SLC30A5: variants seen among roughly 807,000 people sequenced by gnomAD.
SLC30A5 encodes solute carrier family 30 member 5, also known as proton-coupled zinc antiporter SLC30A5.
Under a neutral mutation model 79.6 loss-of-function variants are expected in SLC30A5, and 33 were observed. The observed-to-expected ratio is 0.41, with a 90% confidence interval of 0.31 to 0.55. The LOEUF (loss-of-function observed/expected upper bound fraction) is 0.55. Ranked by LOEUF, SLC30A5 falls within the 20% of genes least tolerant of loss-of-function variation. The pLI is 0.20. For missense variants in SLC30A5, 788 were observed against 928.1 expected (o/e 0.85, Z 1.96); for synonymous variants, 299 against 319.7 (o/e 0.94, Z 0.69).
At chr5:69,123,469 C>A in intron 14 of SLC30A5, 44 bp downstream of exon 14, 1 of 1,485,006 alleles carries the variant, frequency 6.7e-7, no homozygotes, top group Non-Finnish European at 9.4e-7. Flanking sequence ...TTGAAAATCA[C>A]ATTTTTGAAG....
chr5:69,102,116 C>T (rs1465689802), intron 2 of SLC30A5, among the ~76,000 whole-genome samples: 2 of 133,370 alleles, frequency 1.5e-5, no homozygotes, highest in Non-Finnish European at 3.1e-5. Flanking sequence ...TGCAGTGGCT[C>T]AATCTCAACT....
In SLC30A5 at chr5:69,128,092, A is replaced by C. The variant is rs377328364; in HGVS notation, c.2087A>C (p.Gln696Pro). 29 of 1,612,528 alleles carry C rather than the reference A, an allele frequency of 1.8e-5. No individual in the cohort carries two copies. Among genetic ancestry groups the C allele is most frequent in the Middle Eastern group, 1.7e-4 (1 of 6,050 alleles). Reference protein sequence around the residue: ...ASIVAGTIHIQVTSDVLEQRI... With the variant: ...ASIVAGTIHIPVTSDVLEQRI... ...ATTGTGGCAGGAACAATTCATATAC[A>C]GGTGACATCTGATGTGCTAGAACAA... The change falls in exon 15 of 16, where the codon CAG becomes CCG. Residue 696 changes from glutamine (Q) to proline (P), a missense_variant. This residue lies in a region of SLC30A5 where 158 missense variants were observed against 156.2 expected (regional missense o/e 1.01). Transcript: ENST00000396591.
intron 5 of SLC30A5, among the ~76,000 whole-genome samples, chr5:69,109,208 T>C (rs1170852593): frequency 6.6e-6 from 1 of 152,156 alleles, no homozygotes; most frequent in African/African-American, 2.4e-5. Context: ...TTGAATTATT[T>C]GTAACACAAA....
chr5:69,114,207 A>G (rs961205855), intron 6 of SLC30A5, among the ~76,000 whole-genome samples: 1 of 152,222 alleles, frequency 6.6e-6, no homozygotes, highest in African/African-American at 2.4e-5. Context: ...AAATACAGGC[A>G]TTCCAGTTTA....
At chr5:69,128,248 C>CTT (rs1327849244) in intron 15 of SLC30A5, 116 bp downstream of exon 15, 25 of 463,210 alleles carry the variant, frequency 5.4e-5, no homozygotes, top group African/African-American at 1.3e-4. Context: ...AATCTTCCAA[C>CTT]TCTTTTTTTT....
Position 69,104,711 on chromosome 5 carries a change from A to G in SLC30A5, c.354A>G (p.Pro118=). The G allele has an allele frequency of 6.3e-7, 1 of 1,599,474 alleles. No homozygotes were observed. Among genetic ancestry groups the G allele is most frequent in the South Asian group, 1.1e-5 (1 of 87,882 alleles). The stretch of plus-strand genomic sequence containing the variant: ...TTTTTGGCCTCACTCTTTGTGGACC[A>G]CTAAGGTAAATAAAAATGCATATTT... ...LWFFGLTLCG[P]LRTLLLFEHS... is the part of the protein sequence containing the mutation. Residue 118 remains proline, a synonymous_variant, in exon 4 of 16, where the codon CCA becomes CCG. Coordinates refer to ENST00000396591, the MANE Select transcript of SLC30A5 (RefSeq NM_022902.5).
chr5:69,108,286 G>A, intron 4 of SLC30A5, 63 bp from the exon 5 acceptor site: 1 of 1,284,296 alleles, frequency 7.8e-7, no homozygotes, highest in Non-Finnish European at 1.1e-6. Context: ...AACTCTAGTT[G>A]AATTCATGCG....
intron 13 of SLC30A5, among the ~76,000 whole-genome samples, chr5:69,122,736 C>T (rs757254186): frequency 1.5e-4 from 23 of 152,118 alleles, no homozygotes; most frequent in Non-Finnish European, 2.9e-4. Context: ...TTCATAGTGA[C>T]AGCTGAATAG....
chr5:69,102,397 G>A (rs569523344), intron 2 of SLC30A5, among the ~76,000 whole-genome samples: 6 of 152,050 alleles, frequency 3.9e-5, no homozygotes, highest in African/African-American at 1.2e-4. Context: ...AATGTGAAAG[G>A]TAGGGATATA....
At position 69,116,138 on chromosome 5, in the gene SLC30A5, C is replaced by T. The variant is rs140369068; in HGVS notation, c.996C>T (p.Asn332=). Reference sequence around the variant, plus strand: ...TAACAGACCAGCTTCGGGCTATGAACAAAGCAGCACACCAGGAGAGCACTG... The same window carrying T: ...TAACAGACCAGCTTCGGGCTATGAATAAAGCAGCACACCAGGAGAGCACTG... ...HPITDQLRAM[N]KAAHQESTEH... is the part of the protein sequence containing the mutation. Residue 332 remains asparagine, a synonymous_variant, in exon 9 of 16, where the codon AAC becomes AAT. Coordinates refer to ENST00000396591, the MANE Select transcript of SLC30A5 (RefSeq NM_022902.5). The surrounding 1 kb of genome is among the most constrained non-coding windows in gnomAD (Gnocchi z 4.0). The T allele has an allele frequency of 1.2e-6, 2 of 1,614,144 alleles. No individual in the cohort carries two copies. The highest frequency in any genetic ancestry group is 1.7e-6 in the Non-Finnish European group (2 of 1,180,028).
At chr5:69,117,821 G>A (rs545257268) in intron 11 of SLC30A5, among the ~76,000 whole-genome samples, 1 of 150,236 alleles carries the variant, frequency 6.7e-6, no homozygotes, top group Non-Finnish European at 1.5e-5. Context: ...AGGTTGCAGT[G>A]AGCCAAGATC....
At chr5:69,100,214 CA>C (rs917007385) in intron 1 of SLC30A5, among the ~76,000 whole-genome samples, 17 of 152,208 alleles carry the variant, frequency 1.1e-4, no homozygotes, top group African/African-American at 4.1e-4. Flanking sequence ...GTGATCCACC[CA>C]CTTCAGCCTC....
chr5:69,095,785 C>T lies in SLC30A5; in HGVS notation c.83+1447C>T, dbSNP rs866344877. 1.8e-4 allele frequency among the ~76,000 whole-genome samples: 27 copies of T among 152,052 alleles called. 1 individual carries two copies. The highest frequency in any genetic ancestry group is 3.1e-4 in the Non-Finnish European group (21 of 67,998). On this transcript the variant is annotated intron_variant, in intron 1 of 15. Transcript: ENST00000396591. ...AATAAAAGTTTCATATCAGGCCGGT[C>T]GCAGTGGCTCACACCTGTAATCCCA...
intron 12 of SLC30A5, 100 bp downstream of exon 12, chr5:69,118,728 T>C (rs994708311): frequency 3.0e-5 from 31 of 1,018,162 alleles, no homozygotes; most frequent in Admixed American, 1.9e-4. Flanking sequence ...TAAGAAGGTT[T>C]TATTTTTTAC....
intron 13 of SLC30A5, among the ~76,000 whole-genome samples, chr5:69,122,312 G>A (rs773845853): frequency 8.5e-5 from 13 of 152,108 alleles, no homozygotes; most frequent in Admixed American, 4.6e-4. Flanking sequence ...CAGAAGAATC[G>A]CTTACAGGTG....
chr5:69,105,079 A>G (rs1561289431), intron 4 of SLC30A5, among the ~76,000 whole-genome samples: 2 of 152,258 alleles, frequency 1.3e-5, no homozygotes, highest in African/African-American at 4.8e-5. Flanking sequence ...AAGAAGGAGA[A>G]CAAAAATCTC....
chr5:69,099,570 G>T (rs1745849504), intron 1 of SLC30A5, among the ~76,000 whole-genome samples: 2 of 152,118 alleles, frequency 1.3e-5, no homozygotes, highest in African/African-American at 4.8e-5. Context: ...ACTTCCTAGA[G>T]ATCCTCGTCT....
At chr5:69,113,308 A>T in intron 6 of SLC30A5, 81 bp downstream of exon 6, 1 of 1,039,050 alleles carries the variant, frequency 9.6e-7, no homozygotes, top group African/African-American at 1.6e-5. Flanking sequence ...AGAAAGGATA[A>T]GTGAATTAAA....
intron 12 of SLC30A5, among the ~76,000 whole-genome samples, chr5:69,121,359 C>T (rs76079925): frequency 1.0e-3 from 152 of 152,238 alleles, no homozygotes; most frequent in African/African-American, 3.5e-3. Context: ...CCCTAGTAAG[C>T]AGTACTTTCA....
Sources: allele counts gnomAD v4.1 joint callset (sites outside exome capture counted in the v4.1 genomes callset), GRCh38; gene constraint gnomAD v4.1.1; regional missense constraint gnomAD v4.1.1; non-coding constraint Gnocchi (gnomAD v3.1); transcripts MANE v1.5; gene names NCBI Gene and HGNC (gene_info 2026-07-23, HGNC 2026-07-21).